LCORL: variants seen among roughly 807,000 people sequenced by gnomAD.
LCORL encodes the protein ligand-dependent nuclear receptor corepressor-like protein.
LCORL carries 41 observed loss-of-function variants against 141.8 expected under a neutral mutation model. The ratio of observed to expected loss-of-function variants is 0.29; its 90% CI spans 0.23 to 0.38. The LOEUF (loss-of-function observed/expected upper bound fraction) is 0.38, where lower values mean the gene tolerates loss of function less well. LCORL is among the 10% of genes least tolerant of loss of function. The pLI, the probability that LCORL is intolerant of heterozygous loss-of-function variation, is 1.00. For missense variants in LCORL, 1,759 were observed against 2,035.0 expected (o/e 0.86, Z 2.61); for synonymous variants, 618 against 694.1 (o/e 0.89, Z 1.72).
In LCORL at chr4:18,021,796, G is replaced by C. The variant is rs1290598213; in HGVS notation, c.-45C>G. The C allele has an allele frequency of 4.2e-6, 6 of 1,440,074 alleles. No individual in the cohort carries two copies. The South Asian group carries it at 8.9e-5, about 21-fold the overall frequency. 89.2% of individuals were successfully genotyped at this position (1,440,074 alleles called of 1,614,324 possible). On this transcript the variant is annotated 5_prime_UTR_variant, in exon 1 of 8. Coordinates refer to ENST00000635767, the Ensembl canonical transcript of LCORL. This position sits in a 1 kb window ranked among gnomAD's most constrained non-coding sequence, Gnocchi z 5.5. ...CCCTCATTTACATACGAGCAGCGCA[G>C]GCACGAGGCAGGGGCGCGAGCCCTC...
At chr4:17,941,962 T>C (rs190383505) in intron 4 of LCORL, among the ~76,000 whole-genome samples, 1 of 152,244 alleles carries the variant, frequency 6.6e-6, no homozygotes, top group East Asian at 1.9e-4. Context: ...TCACAGCCAC[T>C]TTCAACACAG....
At chr4:17,983,751 T>C (rs35210497) in intron 1 of LCORL, among the ~76,000 whole-genome samples, 35,777 of 151,980 alleles carry the variant, frequency 0.24, 5,336 homozygotes, top group African/African-American at 0.42. Flanking sequence ...TATTTGGATG[T>C]GCTTTATTTC....
At chr4:17,952,959 T>C (rs1040929990) in intron 4 of LCORL, among the ~76,000 whole-genome samples, 15 of 152,210 alleles carry the variant, frequency 9.9e-5, no homozygotes, top group Non-Finnish European at 2.1e-4. Flanking sequence ...TCTCATTACT[T>C]TAGATTCCCA....
intron 1 of LCORL, among the ~76,000 whole-genome samples, chr4:17,980,641 T>C (rs1344788020): frequency 1.3e-5 from 2 of 152,226 alleles, no homozygotes; most frequent in African/African-American, 4.8e-5. Flanking sequence ...TTTTTAAAAA[T>C]CCAGCACTTT....
At chr4:17,974,834 T>G (rs1285313538) in intron 1 of LCORL, among the ~76,000 whole-genome samples, 1 of 152,146 alleles carries the variant, frequency 6.6e-6, no homozygotes, top group East Asian at 1.9e-4. Flanking sequence ...TTTTGGTAAT[T>G]TGTATAAATT....
In LCORL at chr4:18,021,849, C is replaced by G. The variant is rs1447537278; in HGVS notation, c.-98G>C. 15 of 1,345,842 alleles carry G rather than the reference C, an allele frequency of 1.1e-5. No individual in the cohort carries two copies. The highest frequency in any genetic ancestry group is 1.4e-5 in the Non-Finnish European group (15 of 1,038,328). 83.4% of individuals were successfully genotyped at this position (1,345,842 alleles called of 1,614,324 possible). On this transcript the variant is annotated 5_prime_UTR_variant, in exon 1 of 8. Coordinates refer to ENST00000635767, the Ensembl canonical transcript of LCORL. The surrounding 1 kb of genome is among the most constrained non-coding windows in gnomAD (Gnocchi z 5.5). ...CGCGAGCCCCGGAGCGCGCGCCCCC[C>G]GGAGGGGGGTTGATTGACACGTGTC... is the stretch of plus-strand genomic sequence containing the variant.
chr4:17,913,923 T>C (rs1732970502), intron 4 of LCORL, among the ~76,000 whole-genome samples: 1 of 152,256 alleles, frequency 6.6e-6, no homozygotes, highest in African/African-American at 2.4e-5. Context: ...GGATGGAGCT[T>C]ATGTTGGGAA....
At chr4:18,013,948 C>T (rs1350306882) in intron 1 of LCORL, among the ~76,000 whole-genome samples, 1 of 151,940 alleles carries the variant, frequency 6.6e-6, no homozygotes, top group Non-Finnish European at 1.5e-5. Context: ...GCTGGGACTA[C>T]AGGAATGTGC....
At chr4:17,880,563 C>CT in intron 6 of LCORL, 1 of 962,368 alleles carries the variant, frequency 1.0e-6, no homozygotes, top group African/African-American at 1.8e-5. Context: ...AATAAAACTG[C>CT]TTCCTAAAGT....
chr4:17,940,174 A>ATATATATGTATACATG (rs1560376021), intron 4 of LCORL, among the ~76,000 whole-genome samples: 44 of 31,122 alleles, frequency 1.4e-3, no homozygotes, highest in African/African-American at 2.1e-3. Context: ...GTATACATGT[A>ATATATATGTATACATG]TATATATATA....
intron 4 of LCORL, among the ~76,000 whole-genome samples, chr4:17,948,613 A>C (rs1362095804): frequency 6.6e-6 from 1 of 152,024 alleles, no homozygotes; most frequent in Non-Finnish European, 1.5e-5. Flanking sequence ...CAGATTTTCT[A>C]TCACTATGAT....
chr4:17,964,951 A>G (rs2109620429), intron 2 of LCORL, among the ~76,000 whole-genome samples: 1 of 152,150 alleles, frequency 6.6e-6, no homozygotes, highest in African/African-American at 2.4e-5. Flanking sequence ...GTATTTTTAA[A>G]AAATAGCTGT....
rs186281628 is a variant in LCORL at position 17,985,143 on chromosome 4, T to C, written c.155-12258A>G. On this transcript the variant is annotated intron_variant, in intron 1 of 7. Coordinates refer to ENST00000635767, the Ensembl canonical transcript of LCORL. ...TGTGGTCTGAGAGTTTTTAATATGA[T>C]TTTGGTTCTTCTGCATTTGCTGAGG... Among the ~76,000 whole-genome samples the C allele has an allele frequency of 8.5e-5, 13 of 152,200 alleles. No homozygotes were observed. In the East Asian group the frequency reaches 2.3e-3, roughly 27 times the overall value.
At chr4:18,015,840 A>C (rs1724548549) in intron 1 of LCORL, among the ~76,000 whole-genome samples, 1 of 150,852 alleles carries the variant, frequency 6.6e-6, no homozygotes, top group African/African-American at 2.4e-5. Flanking sequence ...ACAAAAAGCA[A>C]CTTCAAGATG....
chr4:17,852,353 C>G (rs966581088), intron 7 of LCORL, among the ~76,000 whole-genome samples: 2 of 151,876 alleles, frequency 1.3e-5, no homozygotes, highest in African/African-American at 4.8e-5. Flanking sequence ...AATAATGACC[C>G]TGGACAAGTA....
chr4:17,982,622 T>C (rs953709397), intron 1 of LCORL, among the ~76,000 whole-genome samples: 4 of 152,076 alleles, frequency 2.6e-5, no homozygotes, highest in African/African-American at 7.2e-5. Context: ...TAATGGAAAT[T>C]TTTTTTCTTG....
At chr4:17,893,980 GTA>G (rs1729500924) in intron 5 of LCORL, among the ~76,000 whole-genome samples, 1 of 152,028 alleles carries the variant, frequency 6.6e-6, no homozygotes, top group Non-Finnish European at 1.5e-5. Context: ...TGTATTTTTA[GTA>G]GAGATGGGGT....
chr4:17,873,353 A>G, intron 7 of LCORL, 35 bp downstream of exon 7: 1 of 1,212,002 alleles, frequency 8.3e-7, no homozygotes, highest in Non-Finnish European at 1.0e-6. Context: ...AGGCACCTAC[A>G]ATGAAACTTT....
chr4:17,875,868 T>C, exon 7 of LCORL: 1 of 1,231,250 alleles, frequency 8.1e-7, no homozygotes. Context: ...TCCTGCAGTT[T>C]CTTTTGCATG....
Sources: gnomAD v4.1 joint callset for allele counts (sites outside exome capture counted in the v4.1 genomes callset) on GRCh38, gnomAD v4.1.1 for gene constraint, Gnocchi (gnomAD v3.1) non-coding constraint, MANE v1.5 for transcripts, NCBI Gene and HGNC (gene_info 2026-07-23, HGNC 2026-07-21) for gene names.